The following RAD51B variants were observed in gnomAD, a reference collection of about 807,000 sequenced individuals.
RAD51B encodes the protein RAD51 paralog B.
A neutral mutation model predicts 42.2 loss-of-function variants in RAD51B; 38 were observed. The observed-to-expected ratio is 0.90, with a 90% CI of 0.70 to 1.18. The LOEUF (loss-of-function observed/expected upper bound fraction) is 1.18. Ranked by LOEUF, RAD51B falls within the 50% of genes most tolerant of loss-of-function variation. The pLI is 0.00. For synonymous variants in RAD51B, 154 were observed against 145.2 expected, an observed-to-expected ratio of 1.06 and a Z score of -0.43; for missense variants, 373 against 400.7, an observed-to-expected ratio of 0.93 and a Z score of 0.59.
At chr14:68,297,338 C>T (rs1324220448) in intron 8 of RAD51B, among the ~76,000 whole-genome samples, 1 of 152,174 alleles carries the variant, frequency 6.6e-6, no homozygotes, top group African/African-American at 2.4e-5. Flanking sequence ...TTGCTATGAT[C>T]AATGGTTTCT....
intron 7 of RAD51B, among the ~76,000 whole-genome samples, chr14:68,186,120 C>T (rs1202834580): frequency 6.6e-6 from 1 of 152,182 alleles, no homozygotes; most frequent in East Asian, 1.9e-4. Flanking sequence ...GGAAAGGACT[C>T]ACTGGTCAAT....
chr14:68,163,491 C>T (rs915571739), intron 7 of RAD51B, among the ~76,000 whole-genome samples: 6 of 152,346 alleles, frequency 3.9e-5, no homozygotes, highest in Middle Eastern at 3.4e-3. Flanking sequence ...TCATGCCTGT[C>T]GTGCCCATTT....
At chr14:68,583,621 C>G (rs1890312923) in intron 10 of RAD51B, among the ~76,000 whole-genome samples, 1 of 152,204 alleles carries the variant, frequency 6.6e-6, no homozygotes, top group Admixed American at 6.5e-5. Flanking sequence ...GTTTCAGACC[C>G]TGGCTCCATT....
intron 10 of RAD51B, chr14:68,541,531 GC>G (rs1887967532): frequency 1.0e-6 from 1 of 985,334 alleles, no homozygotes; most frequent in Admixed American, 6.1e-5. Context: ...GGAAACTCAT[GC>G]AGGTCAGAGG....
intron 10 of RAD51B, among the ~76,000 whole-genome samples, chr14:68,557,949 AGGGGGCTGG>A (rs11267477): frequency 0.22 from 33,224 of 151,998 alleles, 4,292 homozygotes; most frequent in South Asian, 0.32. Context: ...GAGTATCTTG[AGGGGGCTGG>A]GGGAGAATTC....
At chr14:67,835,245 G>T in intron 4 of RAD51B, 49 bp downstream of exon 4, 2 of 1,295,704 alleles carry the variant, frequency 1.5e-6, no homozygotes, top group Non-Finnish European at 1.1e-6. Context: ...ATAACCTTCA[G>T]AGCTAGGGAA....
intron 7 of RAD51B, among the ~76,000 whole-genome samples, chr14:68,195,530 A>G (rs1043822767): frequency 2.0e-5 from 3 of 152,224 alleles, no homozygotes; most frequent in South Asian, 2.1e-4. Context: ...TTGTGTTGCT[A>G]TGTATCTATA....
chr14:68,481,088 T>G (rs1243469096), downstream of RAD51B, among the ~76,000 whole-genome samples: 1 of 152,248 alleles, frequency 6.6e-6, no homozygotes, highest in Non-Finnish European at 1.5e-5. Context: ...AGTAGGTACT[T>G]TCAGTTTAAA....
chr14:68,592,060 G>A (rs2256994), intron 10 of RAD51B, among the ~76,000 whole-genome samples: 5,935 of 152,164 alleles, frequency 0.039, 416 homozygotes, highest in African/African-American at 0.13. Flanking sequence ...GAAGGATCTG[G>A]TCAAGCCATT....
At chr14:68,676,461 A>T (rs1893304264) in intron 11 of RAD51B, among the ~76,000 whole-genome samples, 2 of 152,194 alleles carry the variant, frequency 1.3e-5, no homozygotes, top group Non-Finnish European at 2.9e-5. Context: ...CTTTTAGGAG[A>T]TTTGCTAGAA....
At chr14:67,920,255 T>C (rs768610938) in intron 7 of RAD51B, among the ~76,000 whole-genome samples, 4 of 152,218 alleles carry the variant, frequency 2.6e-5, no homozygotes, top group Admixed American at 6.5e-5. Context: ...AATAAAGTAA[T>C]GTTCTTCCAA....
intron 8 of RAD51B, among the ~76,000 whole-genome samples, chr14:68,362,766 T>G (rs1259043447): frequency 1.3e-5 from 2 of 152,128 alleles, no homozygotes; most frequent in South Asian, 2.1e-4. Context: ...AGAGAATTGC[T>G]TGAACCCAGG....
intron 7 of RAD51B, among the ~76,000 whole-genome samples, chr14:68,172,238 G>A (rs2078887278): frequency 6.6e-6 from 1 of 152,164 alleles, no homozygotes; most frequent in South Asian, 2.1e-4. Flanking sequence ...TCCTTTGTCA[G>A]TAGTTAGGAG....
chr14:68,531,602 A>C (rs1343119207), intron 10 of RAD51B, among the ~76,000 whole-genome samples: 1 of 152,240 alleles, frequency 6.6e-6, no homozygotes, highest in Admixed American at 6.5e-5. Context: ...AAAAACTAAG[A>C]AAATGTAAAA....
intron 10 of RAD51B, among the ~76,000 whole-genome samples, chr14:68,623,395 C>T (rs1335061978): frequency 6.6e-6 from 1 of 152,228 alleles, no homozygotes; most frequent in Admixed American, 6.5e-5. Flanking sequence ...CCAACACGCA[C>T]CTTTCCAAGA....
intron 10 of RAD51B, among the ~76,000 whole-genome samples, chr14:68,639,684 T>C (rs938304760): frequency 1.3e-5 from 2 of 152,142 alleles, no homozygotes; most frequent in Non-Finnish European, 2.9e-5. Context: ...GCAGACACTT[T>C]GAGGAGGAGT....
At chr14:68,469,863 T>G (rs1390398429) in intron 10 of RAD51B, among the ~76,000 whole-genome samples, 3 of 152,242 alleles carry the variant, frequency 2.0e-5, no homozygotes, top group African/African-American at 7.2e-5. Flanking sequence ...ACACGCACCC[T>G]GATCACTAGG....
At chr14:68,682,986 C>T in intron 11 of RAD51B, 1 of 993,746 alleles carries the variant, frequency 1.0e-6, no homozygotes, top group Non-Finnish European at 1.2e-6. Flanking sequence ...AGAAAGCCAG[C>T]TCCATTAGTC....
chr14:68,519,091 A>G (rs923239974), intron 10 of RAD51B, among the ~76,000 whole-genome samples: 3 of 152,206 alleles, frequency 2.0e-5, no homozygotes, highest in Non-Finnish European at 4.4e-5. Flanking sequence ...TGAGTTGACC[A>G]AGGTGGGAAT....
Sources: gnomAD v4.1 joint callset for allele counts (sites outside exome capture counted in the v4.1 genomes callset) on GRCh38, gnomAD v4.1.1 for gene constraint, MANE v1.5 for transcripts, NCBI Gene and HGNC (gene_info 2026-07-23, HGNC 2026-07-21) for gene names.